The following FMNL3 variants were observed in gnomAD, a reference collection of about 807,000 sequenced individuals.
The protein encoded by FMNL3 is formin like 3.
FMNL3 carries 57 observed loss-of-function variants against 119.6 expected under a neutral mutation model. The observed-to-expected ratio is 0.48, with a 90% CI of 0.39 to 0.59. The LOEUF (loss-of-function observed/expected upper bound fraction) is 0.59. Ranked by LOEUF, FMNL3 falls within the 20% of genes least tolerant of loss-of-function variation. The pLI, the probability that FMNL3 is intolerant of heterozygous loss-of-function variation, is 0.00. For synonymous variants in FMNL3, 491 were observed against 507.3 expected, an observed-to-expected ratio of 0.97 and a Z score of 0.43; for missense variants, 1,053 against 1,323.5, an observed-to-expected ratio of 0.80 and a Z score of 3.17.
chr12:49,658,625 C>A (rs1224040244), intron 5 of FMNL3, 31 bp from the exon 6 acceptor site: 1 of 1,570,550 alleles, frequency 6.4e-7, no homozygotes, highest in East Asian at 2.3e-5. Flanking sequence ...CATGCGCATA[C>A]ACAGGCACAT....
intron 4 of FMNL3, among the ~76,000 whole-genome samples, chr12:49,664,395 A>G (rs1198595846): frequency 6.6e-6 from 1 of 152,126 alleles, no homozygotes; most frequent in Non-Finnish European, 1.5e-5. Flanking sequence ...ACAGAGCAAG[A>G]CCCTGTCTTA....
chr12:49,678,677 G>A (rs1387405369), intron 1 of FMNL3, among the ~76,000 whole-genome samples: 1 of 152,042 alleles, frequency 6.6e-6, no homozygotes, highest in African/African-American at 2.4e-5. Flanking sequence ...TGGCTAGGCT[G>A]GTCTCGAACT....
intron 1 of FMNL3, among the ~76,000 whole-genome samples, chr12:49,696,727 T>C (rs1944761218): frequency 1.3e-5 from 2 of 152,180 alleles, no homozygotes; most frequent in Non-Finnish European, 2.9e-5. Context: ...GGATCCTTAA[T>C]CAAAGTTAAA....
In FMNL3 at chr12:49,643,921, GAAC is replaced by G; in HGVS notation, c.*1891_*1893del. On this transcript the variant is annotated 3_prime_UTR_variant, in exon 26 of 26. Coordinates refer to ENST00000335154, the MANE Select transcript of FMNL3 (RefSeq NM_175736.5). ...AGCTGGCAAGGAGAGCGATGAGAAA[GAAC>G]AAGAACAGGACAAGGACAGGGAGCT... The G allele has an allele frequency of 1.9e-6, 3 of 1,614,222 alleles. No individual in the cohort carries two copies. The highest frequency in any genetic ancestry group is 2.5e-6 in the Non-Finnish European group (3 of 1,180,046).
At chr12:49,682,398 C>T (rs1026428058) in intron 1 of FMNL3, among the ~76,000 whole-genome samples, 6 of 152,100 alleles carry the variant, frequency 3.9e-5, no homozygotes, top group Non-Finnish European at 7.4e-5. Context: ...AGACAGAGTA[C>T]AGCAGCATAA....
intron 1 of FMNL3, among the ~76,000 whole-genome samples, chr12:49,700,444 G>C (rs1944875686): frequency 6.7e-6 from 1 of 149,624 alleles, no homozygotes; most frequent in Admixed American, 6.7e-5. Flanking sequence ...GCTGGACGCA[G>C]TGGCTCATGC....
intron 1 of FMNL3, among the ~76,000 whole-genome samples, chr12:49,677,345 C>A (rs1944218255): frequency 1.3e-5 from 2 of 152,188 alleles, no homozygotes; most frequent in South Asian, 4.1e-4. Flanking sequence ...GTGGTTAAAG[C>A]ACTAACTGTG....
intron 21 of FMNL3, 133 bp downstream of exon 21, chr12:49,648,896 G>T (rs1943300931): frequency 7.2e-7 from 1 of 1,379,928 alleles, no homozygotes; most frequent in Non-Finnish European, 9.6e-7. Context: ...CCAGCGGAAA[G>T]CTTTGAAGTG....
intron 1 of FMNL3, among the ~76,000 whole-genome samples, chr12:49,686,113 AAGGGGAGG>A: frequency 6.6e-6 from 1 of 151,906 alleles, no homozygotes; most frequent in East Asian, 2.0e-4. Context: ...TGGTTTTTGG[AAGGGGAGG>A]GTTTGAGACA....
At chr12:49,695,209 T>C (rs1486584337) in intron 1 of FMNL3, among the ~76,000 whole-genome samples, 2 of 152,102 alleles carry the variant, frequency 1.3e-5, no homozygotes, top group South Asian at 2.1e-4. Flanking sequence ...TAAAGCTAAA[T>C]TCCTCTTGAA....
At chr12:49,682,692 G>A (rs995032685) in intron 1 of FMNL3, among the ~76,000 whole-genome samples, 1 of 152,150 alleles carries the variant, frequency 6.6e-6, no homozygotes, top group Non-Finnish European at 1.5e-5. Context: ...TAAATGTATA[G>A]TTGAATAGTA....
At chr12:49,685,938 G>A (rs947163998) in intron 1 of FMNL3, among the ~76,000 whole-genome samples, 1 of 152,032 alleles carries the variant, frequency 6.6e-6, no homozygotes, top group African/African-American at 2.4e-5. Context: ...TTGGTGGCGG[G>A]CGCCTGTAAT....
chr12:49,653,994 C>T, intron 11 of FMNL3, 120 bp from the exon 12 acceptor site: 1 of 1,384,446 alleles, frequency 7.2e-7, no homozygotes, highest in Admixed American at 2.3e-5. Flanking sequence ...GTTCCTGCTG[C>T]AGGCCATGTC....
intron 1 of FMNL3, among the ~76,000 whole-genome samples, chr12:49,705,781 C>G (rs1945032599): frequency 6.6e-6 from 1 of 152,212 alleles, no homozygotes; most frequent in African/African-American, 2.4e-5. Context: ...CAGAGAGGTG[C>G]CAGCGACACC....
At chr12:49,680,629 G>GA (rs1458756889) in intron 1 of FMNL3, among the ~76,000 whole-genome samples, 2 of 152,090 alleles carry the variant, frequency 1.3e-5, no homozygotes. Flanking sequence ...GTACAGCTAG[G>GA]AAAAAACACC....
At chr12:49,706,243 C>T (rs369639784) in intron 1 of FMNL3, among the ~76,000 whole-genome samples, 197 of 152,272 alleles carry the variant, frequency 1.3e-3, no homozygotes, top group South Asian at 0.011. Flanking sequence ...AAAGAAGAAT[C>T]CCAAAGTCAG....
rs763769179 is a variant in FMNL3, at chr12:49,642,694, C to G, written c.*3121G>C. The G allele has an allele frequency of 6.2e-7, 1 of 1,610,036 alleles. No individual in the cohort carries two copies. On this transcript the variant is annotated 3_prime_UTR_variant, in exon 26 of 26. Coordinates refer to ENST00000335154, the MANE Select transcript of FMNL3 (RefSeq NM_175736.5). The surrounding 1 kb of genome is among the most constrained non-coding windows in gnomAD (Gnocchi z 5.8). Reference sequence around the variant, plus strand: ...GCTGGAGGTGAGGCAGGCTTGTCCTCTGGATCTGCCTCAGGCCCTTGAACT... The same window carrying G: ...GCTGGAGGTGAGGCAGGCTTGTCCTGTGGATCTGCCTCAGGCCCTTGAACT...
chr12:49,691,724 T>A (rs894761467), intron 1 of FMNL3, among the ~76,000 whole-genome samples: 1 of 151,946 alleles, frequency 6.6e-6, no homozygotes, highest in Non-Finnish European at 1.5e-5. Flanking sequence ...GAGGAGCCTT[T>A]TTTTTCCCCC....
chr12:49,704,093 G>A (rs1390917800), intron 1 of FMNL3, among the ~76,000 whole-genome samples: 6 of 152,108 alleles, frequency 3.9e-5, no homozygotes, highest in Admixed American at 3.3e-4. Context: ...CTAAGTATTT[G>A]ACTTCCAATT....
Sources: allele counts gnomAD v4.1 joint callset (sites outside exome capture counted in the v4.1 genomes callset), GRCh38; gene constraint gnomAD v4.1.1; non-coding constraint Gnocchi (gnomAD v3.1); transcripts MANE v1.5; gene names NCBI Gene and HGNC (gene_info 2026-07-23, HGNC 2026-07-21).